The following KAT14 variants were observed in gnomAD, a reference collection of about 807,000 sequenced individuals.
The protein encoded by KAT14 is lysine acetyltransferase 14.
Under a neutral mutation model 78.4 loss-of-function variants are expected in KAT14, and 66 were observed. The ratio of observed to expected loss-of-function variants is 0.84; its 90% CI spans 0.69 to 1.03. The LOEUF (loss-of-function observed/expected upper bound fraction) is 1.03, where lower values mean the gene tolerates loss of function less well. Ranked by LOEUF, KAT14 falls within the 50% of genes least tolerant of loss-of-function variation. KAT14 has a pLI of 0.00. For synonymous variants in KAT14, 344 were observed against 359.4 expected (o/e 0.96, Z 0.48); for missense variants, 870 against 972.5 (o/e 0.89, Z 1.40).
chr20:18,170,534 A>G (rs1387200196), intron 7 of KAT14, among the ~76,000 whole-genome samples: 1 of 152,156 alleles, frequency 6.6e-6, no homozygotes, highest in African/African-American at 2.4e-5. Flanking sequence ...ACTCAGAGAA[A>G]AAGATTATTT....
chr20:18,175,346 A>G (rs2038998587), intron 7 of KAT14, among the ~76,000 whole-genome samples: 1 of 152,054 alleles, frequency 6.6e-6, no homozygotes, highest in African/African-American at 2.4e-5. Context: ...TCCAGCCAAT[A>G]CGTGGCTGGC....
intron 2 of KAT14, 196 bp downstream of exon 2, chr20:18,143,115 CATT>C (rs1337314267): frequency 3.7e-6 from 5 of 1,336,916 alleles, no homozygotes; most frequent in South Asian, 4.0e-5. Flanking sequence ...ACCTCTATCA[CATT>C]GTTAAATTAA....
intron 4 of KAT14, among the ~76,000 whole-genome samples, chr20:18,156,072 T>C (rs909592819): frequency 6.6e-6 from 1 of 152,180 alleles, no homozygotes; most frequent in African/African-American, 2.4e-5. Flanking sequence ...GGAAGGACAT[T>C]CTGGCACATG....
intron 1 of KAT14, chr20:18,138,369 C>T (rs1568660473): frequency 9.4e-6 from 10 of 1,068,452 alleles, no homozygotes; most frequent in Non-Finnish European, 1.0e-5. Flanking sequence ...TGCCCAGTGG[C>T]TCTGTTTTCA....
rs201656712 is a variant in KAT14 at position 18,187,463 on chromosome 20, G to A, written c.*4G>A. On this transcript the variant is annotated 3_prime_UTR_variant, in exon 11 of 11. Coordinates refer to ENST00000688188, the MANE Select transcript of KAT14 (RefSeq NM_001392073.1). ...CTTTCTGAGGCTCCGGCGCTGATGCGAATACAGCTCACAGAGAAACGCATG... is the reference window on the plus strand; with the variant it reads ...CTTTCTGAGGCTCCGGCGCTGATGCAAATACAGCTCACAGAGAAACGCATG... 44 of 1,613,788 alleles carry A rather than the reference G, an allele frequency of 2.7e-5. No homozygotes were observed. In the East Asian group the frequency reaches 3.3e-4, roughly 12 times the overall value.
chr20:18,153,970 T>G (rs1412888873), intron 4 of KAT14, among the ~76,000 whole-genome samples: 1 of 152,166 alleles, frequency 6.6e-6, no homozygotes, highest in Non-Finnish European at 1.5e-5. Context: ...CTGCTACAAG[T>G]GTTAATGAGA....
rs111832648 is a variant in KAT14, at chr20:18,164,798, T to A, written c.1668+1853T>A. Among the ~76,000 whole-genome samples the A allele has an allele frequency of 7.9e-5, 12 of 152,008 alleles. 1 individual carries two copies. Among genetic ancestry groups the A allele is most frequent in the African/African-American group, 2.7e-4 (11 of 41,466 alleles). On this transcript the variant is annotated intron_variant, in intron 7 of 10. Transcript: ENST00000688188. Reference sequence around the variant, plus strand: ...CACTCAGCTAATTTTTTTTTTAATTTTTATTTTTAGTAGAGACAGGGTCCT... The same window carrying A: ...CACTCAGCTAATTTTTTTTTTAATTATTATTTTTAGTAGAGACAGGGTCCT...
chr20:18,140,818 C>CAAA (rs1157203058), intron 1 of KAT14, among the ~76,000 whole-genome samples: 1,358 of 78,928 alleles, frequency 0.017, 33 homozygotes, highest in African/African-American at 0.045. Flanking sequence ...GACTCCTTCT[C>CAAA]AAAAAAAAAA....
intron 4 of KAT14, among the ~76,000 whole-genome samples, chr20:18,155,010 A>G (rs550005459): frequency 1.3e-5 from 2 of 152,330 alleles, no homozygotes; most frequent in East Asian, 1.9e-4. Flanking sequence ...ACAATGGTAC[A>G]TAAAATTATT....
intron 7 of KAT14, among the ~76,000 whole-genome samples, chr20:18,175,470 C>T (rs532088336): frequency 1.8e-4 from 28 of 152,208 alleles, no homozygotes; most frequent in Admixed American, 1.8e-3. Context: ...GCCCTCTCTA[C>T]TCTGCTGCCT....
intron 7 of KAT14, among the ~76,000 whole-genome samples, chr20:18,166,784 A>C (rs2038656905): frequency 6.6e-6 from 1 of 152,182 alleles, no homozygotes; most frequent in South Asian, 2.1e-4. Context: ...ACTTCCTGAG[A>C]AAAGCTGCAT....
chr20:18,155,029 C>T lies in KAT14; in HGVS notation c.501-4055C>T, dbSNP rs568667864. 6.6e-5 allele frequency among the ~76,000 whole-genome samples: 10 copies of T among 152,242 alleles called. No homozygotes were observed. In the East Asian group the frequency reaches 1.5e-3, roughly 24 times the overall value. On this transcript the variant is annotated intron_variant, in intron 4 of 10. Coordinates refer to ENST00000688188, the MANE Select transcript of KAT14 (RefSeq NM_001392073.1). ...TGGTACATAAAATTATTTAGGTTAG[C>T]ACACCCCACCATGCACGACTAATTT...
At chr20:18,169,874 A>C (rs1422548492) in intron 7 of KAT14, among the ~76,000 whole-genome samples, 1 of 152,242 alleles carries the variant, frequency 6.6e-6, no homozygotes, top group Non-Finnish European at 1.5e-5. Flanking sequence ...CAGTGAGTGC[A>C]CAACTGATAA....
chr20:18,186,766 T>C (rs1257960024), intron 10 of KAT14, among the ~76,000 whole-genome samples: 1 of 152,194 alleles, frequency 6.6e-6, no homozygotes, highest in Non-Finnish European at 1.5e-5. Flanking sequence ...GAAGGTGGAC[T>C]TTGGGATTCA....
chr20:18,186,012 ATC>A (rs2039436971), intron 10 of KAT14, among the ~76,000 whole-genome samples: 3 of 152,270 alleles, frequency 2.0e-5, no homozygotes, highest in African/African-American at 7.2e-5. Flanking sequence ...CCAAGAGTTG[ATC>A]TCTCAGTATG....
chr20:18,163,239 A>T (rs1326068944), intron 7 of KAT14, among the ~76,000 whole-genome samples: 1 of 152,218 alleles, frequency 6.6e-6, no homozygotes, highest in African/African-American at 2.4e-5. Context: ...GAGGATAGAT[A>T]TGCATGGTTT....
intron 7 of KAT14, among the ~76,000 whole-genome samples, chr20:18,168,518 A>ACT (rs770973396): frequency 6.6e-6 from 1 of 150,538 alleles, no homozygotes; most frequent in East Asian, 1.9e-4. Context: ...ATTGGGTGAG[A>ACT]CTCTCTCTCA....
chr20:18,150,001 T>A (rs1216170309), intron 3 of KAT14, among the ~76,000 whole-genome samples: 1 of 152,096 alleles, frequency 6.6e-6, no homozygotes, highest in East Asian at 1.9e-4. Flanking sequence ...AGTATCTGAG[T>A]ATAGATGCAA....
intron 1 of KAT14, 59 bp downstream of exon 1, chr20:18,138,110 C>T (rs2037365805): frequency 8.5e-6 from 12 of 1,419,784 alleles, no homozygotes; most frequent in Non-Finnish European, 1.0e-5. Context: ...CCTGGGGCCT[C>T]TCGTGGTCTC....
Sources: allele counts gnomAD v4.1 joint callset (sites outside exome capture counted in the v4.1 genomes callset), GRCh38; gene constraint gnomAD v4.1.1; transcripts MANE v1.5; gene names NCBI Gene and HGNC (gene_info 2026-07-23, HGNC 2026-07-21).